The following PTBP1 variants were observed in gnomAD, a reference collection of about 807,000 sequenced individuals.
PTBP1 encodes polypyrimidine tract binding protein 1, also known as polypyrimidine tract-binding protein 1.
In PTBP1, 8 loss-of-function variants were observed where a neutral mutation model predicts 59.8. The ratio of observed to expected loss-of-function variants is 0.13; its 90% CI spans 0.08 to 0.24. The LOEUF (loss-of-function observed/expected upper bound fraction) is 0.24. PTBP1 is among the 10% of genes least tolerant of loss of function. PTBP1 has a pLI of 1.00. For missense variants in PTBP1, 686 were observed against 767.0 expected, an observed-to-expected ratio of 0.89 and a Z score of 1.25; for synonymous variants, 490 against 320.7, an observed-to-expected ratio of 1.53 and a Z score of -5.64.
chr19:810,475 C>T (rs1717663739), intron 13 of PTBP1, 68 bp from the exon 14 acceptor site: 15 of 1,383,110 alleles, frequency 1.1e-5, no homozygotes, highest in East Asian at 2.3e-5. Context: ...CTGGGGAAAG[C>T]CTCGCGGACC....
rs758492495 is a variant in PTBP1, at chr19:811,055, C to G, written c.*229C>G. 8 of 469,268 alleles carry G rather than the reference C, an allele frequency of 1.7e-5. No individual in the cohort carries two copies. The highest frequency in any genetic ancestry group is 2.5e-5 in the Non-Finnish European group (7 of 274,606). 29.1% of individuals were successfully genotyped at this position (469,268 alleles called of 1,614,324 possible). ...ACTGTGGCAGCGGGAGTTCCCGGCC[C>G]TCCACACCCGGGGCCAGACCCTCGG... On this transcript the variant is annotated 3_prime_UTR_variant, in exon 15 of 15. Coordinates refer to ENST00000356948, the MANE Select transcript of PTBP1 (RefSeq NM_002819.5).
rs761694067 is a variant in PTBP1 at position 805,066 on chromosome 19, T to C, written c.771T>C (p.Phe257=). The change falls in exon 8 of 15, where the codon TTT becomes TTC. Residue 257 remains phenylalanine (F), a synonymous_variant. Coordinates refer to ENST00000356948, the MANE Select transcript of PTBP1 (RefSeq NM_002819.5). ...YNACCTLRID[F]SKLTSLNVKY... is the part of the protein sequence containing the mutation. Reference sequence around the variant, plus strand: ...CCTGCTGCACGCTGCGCATCGACTTTTCCAAGCTCACCAGCCTCAACGTCA... The same window carrying C: ...CCTGCTGCACGCTGCGCATCGACTTCTCCAAGCTCACCAGCCTCAACGTCA... 6.2e-7 allele frequency: 1 copy of C among 1,613,862 alleles called. No individual in the cohort carries two copies. Among genetic ancestry groups the C allele is most frequent in the South Asian group, 1.1e-5 (1 of 91,088 alleles).
chr19:804,229 C>G, intron 4 of PTBP1, 21 bp downstream of exon 4: 1 of 1,607,486 alleles, frequency 6.2e-7, no homozygotes, highest in Non-Finnish European at 8.5e-7. Context: ...CGCGTTTCTC[C>G]GGGGTGCTCA....
At chr19:806,091 G>T (rs2034554075) in intron 9 of PTBP1, 2 of 311,580 alleles carry the variant, frequency 6.4e-6, no homozygotes, top group Admixed American at 5.2e-5. Flanking sequence ...GTGGTCCCGG[G>T]ACGGGCCCTG....
intron 8 of PTBP1, 150 bp from the exon 9 acceptor site, chr19:805,342 C>A (rs376398995): frequency 1.7e-6 from 2 of 1,180,660 alleles, no homozygotes; most frequent in Non-Finnish European, 2.4e-6. Flanking sequence ...TCCCCCACGT[C>A]GGGACCACGG....
intron 2 of PTBP1, among the ~76,000 whole-genome samples, chr19:802,834 A>G (rs936079364): frequency 3.3e-5 from 5 of 152,226 alleles, no homozygotes; most frequent in African/African-American, 1.2e-4. Context: ...AGTTGATCCA[A>G]TTACATAGAA....
rs934976006 is a variant in PTBP1 at position 811,885 on chromosome 19, C to T, written c.*1059C>T. ...CCAAAGTCTCATTTCTGTGTTTTGC[C>T]TGCCTCTGATGCTGGGACCCGGAAG... On this transcript the variant is annotated 3_prime_UTR_variant, in exon 15 of 15. Coordinates refer to ENST00000356948, the MANE Select transcript of PTBP1 (RefSeq NM_002819.5). 2 of 151,924 alleles carry T rather than the reference C, an allele frequency of 1.3e-5. No individual in the cohort carries two copies. Among genetic ancestry groups the T allele is most frequent in the Admixed American group, 6.6e-5 (1 of 15,178 alleles). The allele number at this position is 151,924 out of a possible 1,614,324, so 9.4% of individuals were successfully genotyped here.
chr19:806,045 G>A (rs1568271009), intron 9 of PTBP1: 2 of 243,158 alleles, frequency 8.2e-6, no homozygotes, highest in South Asian at 8.6e-5. Context: ...CCCGGCGGCC[G>A]CCTCGTCTGC....
At chr19:797,777 CCG>C (rs1289833359) in intron 1 of PTBP1, among the ~76,000 whole-genome samples, 4 of 148,474 alleles carry the variant, frequency 2.7e-5, no homozygotes, top group Non-Finnish European at 4.5e-5. Flanking sequence ...CCCTCCCCCT[CCG>C]CGCGCGTCCC....
intron 9 of PTBP1, 107 bp from the exon 10 acceptor site, chr19:806,301 C>G (rs1048841921): frequency 4.2e-5 from 54 of 1,295,366 alleles, no homozygotes; most frequent in Middle Eastern, 2.7e-4. Flanking sequence ...AGGGCCGCCT[C>G]CCGCGCGGCT....
In PTBP1 at chr19:806,283, C is replaced by T. The variant is rs562180123; in HGVS notation, c.971-125C>T. ...GACCCCACAGGCACCCAGGGTAGGG[C>T]CAGAGCCAGGGCCGCCTCCCGCGCG... On this transcript the variant is annotated intron_variant, in intron 9 of 14. Coordinates refer to ENST00000356948, the MANE Select transcript of PTBP1 (RefSeq NM_002819.5). 5.9e-5 allele frequency: 68 copies of T among 1,151,256 alleles called. No homozygotes were observed. In the African/African-American group the frequency reaches 6.3e-4, roughly 11 times the overall value. 71.3% of individuals were successfully genotyped at this position (1,151,256 alleles called of 1,614,324 possible). A position where few individuals can be genotyped will look rare whatever the true frequency, so the allele number is the denominator to read the frequency against.
At chr19:806,245 G>A in intron 9 of PTBP1, 163 bp from the exon 10 acceptor site, 1 of 704,634 alleles carries the variant, frequency 1.4e-6, no homozygotes, top group Non-Finnish European at 2.1e-6. Flanking sequence ...GGGTGGCTGT[G>A]CGGGGGTCGG....
chr19:810,479 GC>G, intron 13 of PTBP1, 63 bp from the exon 14 acceptor site: 2 of 1,433,486 alleles, frequency 1.4e-6, no homozygotes, highest in Non-Finnish European at 1.9e-6. Flanking sequence ...GGAAAGCCTC[GC>G]GGACCTGACT....
Position 812,082 on chromosome 19 carries a change from C to T in PTBP1, c.*1256C>T, listed in dbSNP as rs2034908194. 1 of 152,352 alleles carries T rather than the reference C, an allele frequency of 6.6e-6. No individual in the cohort carries two copies. Among genetic ancestry groups the T allele is most frequent in the South Asian group, 2.1e-4 (1 of 4,836 alleles). 9.4% of individuals were successfully genotyped at this position (152,352 alleles called of 1,614,324 possible). On this transcript the variant is annotated 3_prime_UTR_variant, in exon 15 of 15. Coordinates refer to ENST00000356948, the MANE Select transcript of PTBP1 (RefSeq NM_002819.5). ...GCGGCGGCGCGGTTTTTTATGGTGACACAAATGTATATTTTGCTAACAGCA... is the reference window on the plus strand; with the variant it reads ...GCGGCGGCGCGGTTTTTTATGGTGATACAAATGTATATTTTGCTAACAGCA...
rs1297801986 is a variant in PTBP1 at position 805,505 on chromosome 19, A to G, written c.906A>G (p.Ile302Met). 6.2e-7 allele frequency: 1 copy of G among 1,613,516 alleles called. No individual in the cohort carries two copies. Among genetic ancestry groups the G allele is most frequent in the Non-Finnish European group, 8.5e-7 (1 of 1,179,452 alleles). Residue 302 changes from isoleucine (I) to methionine (M), a missense_variant, in exon 9 of 15, where the codon ATA (isoleucine) becomes ATG (methionine). Ile to Met is a conservative substitution (Grantham distance 10). Coordinates refer to ENST00000356948, the MANE Select transcript of PTBP1 (RefSeq NM_002819.5). The stretch of plus-strand genomic sequence containing the variant: ...ATTTATTTCTAGGTGCACCTGGTAT[A>G]ATCTCAGCCTCTCCGTATGCAGGAG... The part of the protein sequence containing the change: ...TMAAAFGAPG[I>M]ISASPYAGAG...
Position 811,033 on chromosome 19 carries a change from G to C in PTBP1, c.*207G>C. ...GGGACAGCTCAGGCTCTTGGTGACT[G>C]TGGCAGCGGGAGTTCCCGGCCCTCC... On this transcript the variant is annotated 3_prime_UTR_variant, in exon 15 of 15. Coordinates refer to ENST00000356948, the MANE Select transcript of PTBP1 (RefSeq NM_002819.5). The C allele has an allele frequency of 3.9e-6, 2 of 517,106 alleles. No individual in the cohort carries two copies. The highest frequency in any genetic ancestry group is 3.2e-6 in the Non-Finnish European group (1 of 312,816). 32.0% of individuals were successfully genotyped at this position (517,106 alleles called of 1,614,324 possible).
chr19:807,418 AG>A (rs2145062515), intron 10 of PTBP1: 1 of 161,510 alleles, frequency 6.2e-6, no homozygotes, highest in East Asian at 1.9e-4. Flanking sequence ...ATGTGAGTGA[AG>A]GTGCTTCTCT....
At chr19:798,081 T>C (rs1253400829) in intron 1 of PTBP1, among the ~76,000 whole-genome samples, 1 of 151,410 alleles carries the variant, frequency 6.6e-6, no homozygotes, top group East Asian at 2.0e-4. Context: ...CCCGAGTCTC[T>C]GCGCTCCCCG....
At chr19:809,272 G>T (rs999804694) in intron 13 of PTBP1, among the ~76,000 whole-genome samples, 3 of 152,120 alleles carry the variant, frequency 2.0e-5, no homozygotes, top group Non-Finnish European at 2.9e-5. Context: ...CTCCCAAAGT[G>T]CTGGGATACA....
Sources: allele counts gnomAD v4.1 joint callset (sites outside exome capture counted in the v4.1 genomes callset), GRCh38; gene constraint gnomAD v4.1.1; transcripts MANE v1.5; gene names NCBI Gene and HGNC (gene_info 2026-07-23, HGNC 2026-07-21).